CAPZB: variants seen among roughly 807,000 people sequenced by gnomAD.
CAPZB encodes the protein capping actin protein of muscle Z-line subunit beta.
Under a neutral mutation model 38.1 loss-of-function variants are expected in CAPZB, and 2 were observed. The ratio of observed to expected loss-of-function variants is 0.05; its 90% CI spans 0.02 to 0.17. The LOEUF is 0.17. Ranked by LOEUF, CAPZB falls within the 10% of genes least tolerant of loss-of-function variation. CAPZB has a pLI of 1.00. For missense variants in CAPZB, 161 were observed against 334.2 expected (o/e 0.48, Z 4.04); for synonymous variants, 107 against 127.4 (o/e 0.84, Z 1.08).
chr1:19,455,614 T>A (rs571298747), intron 1 of CAPZB, among the ~76,000 whole-genome samples: 11 of 152,202 alleles, frequency 7.2e-5, no homozygotes, highest in Non-Finnish European at 1.3e-4. Context: ...TGACCTGGCC[T>A]ATTTACTCTT....
chr1:19,469,741 TACACACACACAC>T (rs60330360), intron 1 of CAPZB, among the ~76,000 whole-genome samples: 182 of 136,716 alleles, frequency 1.3e-3, no homozygotes, highest in African/African-American at 3.6e-3. Flanking sequence ...AGGAAAAGAA[TACACACACACAC>T]ACACACACAC....
Position 19,395,471 on chromosome 1 carries a change from A to C in CAPZB, c.94-9845T>G, listed in dbSNP as rs375096067. 2.0e-3 allele frequency among the ~76,000 whole-genome samples: 298 copies of C among 152,292 alleles called. 3 individuals are homozygous for C. Among genetic ancestry groups the C allele is most frequent in the African/African-American group, 6.8e-3 (282 of 41,562 alleles). ...TTCAGCCATTCATACTCCAAACCCC[A>C]AAGCTTTGCCCTCTGGAATCTCACA... On this transcript the variant is annotated intron_variant, in intron 2 of 8. Coordinates refer to ENST00000264202, the MANE Select transcript of CAPZB (RefSeq NM_004930.5).
intron 2 of CAPZB, among the ~76,000 whole-genome samples, chr1:19,406,480 G>A (rs545321040): frequency 9.9e-5 from 15 of 152,280 alleles, no homozygotes; most frequent in East Asian, 1.9e-4. Flanking sequence ...ACTTCTTGCC[G>A]GTGCTAAGAA....
At chr1:19,475,743 G>C (rs1199552927) in intron 1 of CAPZB, among the ~76,000 whole-genome samples, 1 of 152,198 alleles carries the variant, frequency 6.6e-6, no homozygotes, top group African/African-American at 2.4e-5. Context: ...CACATGAAAG[G>C]CTGGTTAATT....
intron 4 of CAPZB, among the ~76,000 whole-genome samples, chr1:19,370,408 GT>G (rs1484307527): frequency 6.6e-6 from 1 of 152,184 alleles, no homozygotes; most frequent in African/African-American, 2.4e-5. Flanking sequence ...TGGGGCTGGG[GT>G]CCTGAGAAAC....
At chr1:19,475,391 C>G (rs1186719637) in intron 1 of CAPZB, among the ~76,000 whole-genome samples, 1 of 152,216 alleles carries the variant, frequency 6.6e-6, no homozygotes, top group African/African-American at 2.4e-5. Context: ...AAGAAAGCCA[C>G]CAGTGTGACT....
rs866090505 is a variant in CAPZB, at chr1:19,378,625, G to A, written c.244C>T (p.Pro82Ser). 1 of 1,611,628 alleles carries A rather than the reference G, an allele frequency of 6.2e-7. No individual in the cohort carries two copies. Among genetic ancestry groups the A allele is most frequent in the Non-Finnish European group, 8.5e-7 (1 of 1,177,764 alleles). ...GACGGCATGGCCCCATCCTCCAAGGGAGGGTCATACTTGTTACTCCATGGT... is the reference window on the plus strand; with the variant it reads ...GACGGCATGGCCCCATCCTCCAAGGAAGGGTCATACTTGTTACTCCATGGT... ...RSPWSNKYDPPLEDGAMPSAR... is the reference protein window; with the variant it reads ...RSPWSNKYDPSLEDGAMPSAR... Residue 82 changes from proline to serine, a missense_variant, in exon 4 of 9, where the codon CCC becomes TCC. Coordinates refer to ENST00000264202, the MANE Select transcript of CAPZB (RefSeq NM_004930.5).
intron 6 of CAPZB, among the ~76,000 whole-genome samples, chr1:19,354,516 T>G: frequency 6.6e-6 from 1 of 152,198 alleles, no homozygotes; most frequent in East Asian, 1.9e-4. Flanking sequence ...GCCGTTAGAA[T>G]GATGGCAGAG....
chr1:19,355,495 A>AG (rs1491125770), intron 6 of CAPZB, among the ~76,000 whole-genome samples: 1 of 82,464 alleles, frequency 1.2e-5, no homozygotes, highest in Non-Finnish European at 3.2e-5. Flanking sequence ...ACTCCGTCTC[A>AG]AAAAAAAAAA....
At chr1:19,468,329 A>C (rs1388982178) in intron 1 of CAPZB, among the ~76,000 whole-genome samples, 1 of 152,256 alleles carries the variant, frequency 6.6e-6, no homozygotes, top group East Asian at 1.9e-4. Flanking sequence ...TGATACTATC[A>C]GGTTACAAAG....
intron 6 of CAPZB, among the ~76,000 whole-genome samples, chr1:19,355,025 G>A (rs2094012568): frequency 6.6e-6 from 1 of 152,298 alleles, no homozygotes; most frequent in East Asian, 1.9e-4. Context: ...AGGCCAAAAA[G>A]AGGACCGCAA....
At chr1:19,441,560 TAAC>T (rs1180010025) in intron 1 of CAPZB, among the ~76,000 whole-genome samples, 1 of 151,662 alleles carries the variant, frequency 6.6e-6, no homozygotes, top group Non-Finnish European at 1.5e-5. Context: ...TTTTTTTGCA[TAAC>T]AACATACACC....
At chr1:19,434,970 G>GT (rs1224984655) in intron 1 of CAPZB, among the ~76,000 whole-genome samples, 14 of 71,128 alleles carry the variant, frequency 2.0e-4, no homozygotes, top group Non-Finnish European at 2.3e-4. Flanking sequence ...CAGTCAAAAA[G>GT]TTTTTTTTTT....
chr1:19,379,813 C>T lies in CAPZB; in HGVS notation c.216-1160G>A, dbSNP rs149737312. On this transcript the variant is annotated intron_variant, in intron 3 of 8. Transcript: ENST00000264202. ...TTCCTGCAGGTGGGGTTCAGAGGGC[C>T]GAGTGTTCAGAGAAAGTAGCAGAAT... Among the ~76,000 whole-genome samples, 938 of 152,020 alleles carry T rather than the reference C, an allele frequency of 6.2e-3. 14 individuals are homozygous for T. Among genetic ancestry groups the T allele is most frequent in the African/African-American group, 0.021 (853 of 41,408 alleles).
At chr1:19,355,676 C>T (rs939757035) in intron 6 of CAPZB, among the ~76,000 whole-genome samples, 1 of 152,194 alleles carries the variant, frequency 6.6e-6, no homozygotes, top group Non-Finnish European at 1.5e-5. Flanking sequence ...GAAAGTGGCG[C>T]CCCGCTGAGG....
At chr1:19,382,772 C>T (rs549985495) in intron 3 of CAPZB, among the ~76,000 whole-genome samples, 1 of 152,258 alleles carries the variant, frequency 6.6e-6, no homozygotes, top group Admixed American at 6.5e-5. Context: ...GAACAGCTGC[C>T]TTACACAGTC....
chr1:19,340,719 C>T (rs1038569362), intron 8 of CAPZB, among the ~76,000 whole-genome samples: 1 of 152,178 alleles, frequency 6.6e-6, no homozygotes, highest in East Asian at 1.9e-4. Context: ...AAAAAGCTAT[C>T]AACCCAATTT....
At chr1:19,415,608 T>A (rs71645448) in intron 2 of CAPZB, among the ~76,000 whole-genome samples, 2,401 of 152,350 alleles carry the variant, frequency 0.016, 28 homozygotes, top group Non-Finnish European at 0.021. Flanking sequence ...CAGGATCCAG[T>A]ACAAAGCCAG....
intron 1 of CAPZB, among the ~76,000 whole-genome samples, chr1:19,453,651 C>T (rs1269019759): frequency 6.6e-6 from 1 of 152,198 alleles, no homozygotes; most frequent in East Asian, 1.9e-4. Context: ...GCCTCTCTCT[C>T]CTTCTAGGTC....
Sources: allele counts gnomAD v4.1 joint callset (sites outside exome capture counted in the v4.1 genomes callset), GRCh38; gene constraint gnomAD v4.1.1; transcripts MANE v1.5; gene names NCBI Gene and HGNC (gene_info 2026-07-23, HGNC 2026-07-21).